Variants in AQP8 observed in about 807,000 individuals in gnomAD.
AQP8 encodes aquaporin-8.
A neutral mutation model predicts 26.1 loss-of-function variants in AQP8; 14 were observed. The observed-to-expected ratio is 0.54, with a 90% CI of 0.35 to 0.84. The LOEUF is 0.84. AQP8 is among the 40% of genes least tolerant of loss of function. The pLI, the probability that AQP8 is intolerant of heterozygous loss-of-function variation, is 0.01. For missense variants in AQP8, 301 were observed against 340.5 expected (o/e 0.88, Z 0.91); for synonymous variants, 131 against 150.7 (o/e 0.87, Z 0.96).
chr16:25,227,149 G>T lies in AQP8; in HGVS notation c.684G>T (p.Trp228Cys). The T allele has an allele frequency of 6.2e-7, 1 of 1,614,082 alleles. No individual in the cohort carries two copies. The highest frequency in any genetic ancestry group is 8.5e-7 in the Non-Finnish European group (1 of 1,180,032). The change falls in exon 5 of 6, where the codon TGG (tryptophan) becomes TGT (cysteine). Residue 228 changes from tryptophan to cysteine, a missense_variant. Transcript: ENST00000219660. ...AVVANHWNFH[W>C]IYWLGPLLAG... ...TGGCCAACCACTGGAACTTCCACTG[G>T]ATCTACTGGCTGGGCCCACTCCTGG...
intron 4 of AQP8, among the ~76,000 whole-genome samples, chr16:25,224,986 C>T (rs1300406165): frequency 2.0e-5 from 3 of 152,120 alleles, no homozygotes; most frequent in African/African-American, 7.2e-5. Flanking sequence ...TTTTTAGACT[C>T]CCAGCAGGCT....
chr16:25,226,467 G>T (rs113411926), intron 4 of AQP8, among the ~76,000 whole-genome samples: 2,358 of 152,288 alleles, frequency 0.015, 66 homozygotes, highest in African/African-American at 0.053. Flanking sequence ...ATGTTGGCCA[G>T]GCTGGTCTCT....
At chr16:25,223,343 C>G (rs532736750) in intron 3 of AQP8, among the ~76,000 whole-genome samples, 6 of 152,220 alleles carry the variant, frequency 3.9e-5, no homozygotes, top group African/African-American at 1.4e-4. Flanking sequence ...GCCCCTTCCA[C>G]GGTCCTGTGG....
Position 25,224,385 on chromosome 16 carries a change from C to G in AQP8, c.411C>G (p.Phe137Leu). ...LAKAVSPEERFWNASGAAFVT... is the reference protein window; with the variant it reads ...LAKAVSPEERLWNASGAAFVT... ...AGGCGGTGAGTCCTGAGGAGAGGTT[C>G]TGGAATGCATCTGGGGCGGCCTTTG... The change falls in exon 4 of 6, where the codon TTC becomes TTG. Residue 137 changes from phenylalanine (F) to leucine (L), a missense_variant. Coordinates refer to ENST00000219660, the MANE Select transcript of AQP8 (RefSeq NM_001169.3). 6.2e-7 allele frequency: 1 copy of G among 1,613,830 alleles called. No individual in the cohort carries two copies. The highest frequency in any genetic ancestry group is 8.5e-7 in the Non-Finnish European group (1 of 1,179,972).
At chr16:25,225,472 CTTTTT>C (rs34470670) in intron 4 of AQP8, among the ~76,000 whole-genome samples, 1 of 141,834 alleles carries the variant, frequency 7.1e-6, no homozygotes, top group South Asian at 2.2e-4. Flanking sequence ...CTTACAAGCC[CTTTTT>C]TTTTTTTTTA....
rs1239006056 is a variant in AQP8, at chr16:25,226,219, CACAA to C, written c.603-844_603-841del. ...CCCCTCAAGCATTTATTTTTTGTGT[CACAA>C]ACAATCCACTTATACTCTTCGTTAT... On this transcript the variant is annotated intron_variant, in intron 4 of 5. Transcript: ENST00000219660. 3.3e-5 allele frequency among the ~76,000 whole-genome samples: 5 copies of C among 152,064 alleles called. No homozygotes were observed. The East Asian group carries it at 7.7e-4, about 23-fold the overall frequency.
At chr16:25,225,953 T>C (rs1215344077) in intron 4 of AQP8, among the ~76,000 whole-genome samples, 4 of 152,238 alleles carry the variant, frequency 2.6e-5, no homozygotes, top group Non-Finnish European at 5.9e-5. Flanking sequence ...ATTTGCATTT[T>C]CTCATTCACT....
In AQP8 at chr16:25,224,499, T is replaced by A. The variant is rs1178394554; in HGVS notation, c.525T>A (p.Gly175=). 6.2e-7 allele frequency: 1 copy of A among 1,613,920 alleles called. No homozygotes were observed. Among genetic ancestry groups the A allele is most frequent in the Admixed American group, 1.7e-5 (1 of 59,990 alleles). Residue 175 remains glycine (G), a synonymous_variant, in exon 4 of 6, where the codon GGT becomes GGA. Coordinates refer to ENST00000219660, the MANE Select transcript of AQP8 (RefSeq NM_001169.3). ...TTLLALAVCM[G]AINEKTKGPL... is the part of the protein sequence containing the mutation. ...TGCTGGCCCTGGCTGTATGCATGGG[T>A]GCCATCAATGAGAAGACAAAGGGCC...
chr16:25,227,658 T>A (rs1198868074), intron 5 of AQP8, among the ~76,000 whole-genome samples: 1 of 152,070 alleles, frequency 6.6e-6, no homozygotes, highest in East Asian at 1.9e-4. Context: ...CAGCTAATTT[T>A]TATATTTTTA....
Position 25,228,517 on chromosome 16 carries a change from G to T in AQP8, c.*25G>T. ...AAGCAGAGCTCGTGGGATTCCTGCT[G>T]CTCCAGGTGTCCTCAGCTCACCTGT... On this transcript the variant is annotated 3_prime_UTR_variant, in exon 6 of 6. Coordinates refer to ENST00000219660, the MANE Select transcript of AQP8 (RefSeq NM_001169.3). The T allele has an allele frequency of 6.2e-7, 1 of 1,613,370 alleles. No individual in the cohort carries two copies. Among genetic ancestry groups the T allele is most frequent in the Non-Finnish European group, 8.5e-7 (1 of 1,179,352 alleles).
chr16:25,224,217 T>G, intron 3 of AQP8, 145 bp from the exon 4 acceptor site: 2 of 697,906 alleles, frequency 2.9e-6, no homozygotes, highest in Non-Finnish European at 4.7e-6. Flanking sequence ...AGAGCTGGGA[T>G]GTGGATGCAG....
At position 25,218,879 on chromosome 16, in the gene AQP8, C is replaced by T. The variant is rs139236020; in HGVS notation, c.260+1434C>T. On this transcript the variant is annotated intron_variant, in intron 2 of 5. Coordinates refer to ENST00000219660, the MANE Select transcript of AQP8 (RefSeq NM_001169.3). The stretch of plus-strand genomic sequence containing the variant: ...GGGCAACAGAGTGAGACTCCATCTC[C>T]AAAAAACAAACAAACAAACAAACAA... Among the ~76,000 whole-genome samples the T allele has an allele frequency of 3.1e-3, 467 of 150,876 alleles. 20 individuals carry two copies. Among genetic ancestry groups the T allele is most frequent in the African/African-American group, 0.01 (425 of 40,876 alleles).
At chr16:25,222,902 C>CA (rs1962582867) in intron 3 of AQP8, among the ~76,000 whole-genome samples, 3 of 152,360 alleles carry the variant, frequency 2.0e-5, no homozygotes, top group South Asian at 4.1e-4. Flanking sequence ...TGGCCAGACT[C>CA]GAGCTCAAGC....
intron 3 of AQP8, among the ~76,000 whole-genome samples, chr16:25,224,125 C>T (rs1962599651): frequency 6.6e-6 from 1 of 152,220 alleles, no homozygotes. Flanking sequence ...CCACGCCTAG[C>T]CCCATTACTA....
intron 3 of AQP8, 107 bp from the exon 4 acceptor site, chr16:25,224,255 C>T: frequency 9.7e-7 from 1 of 1,029,204 alleles, no homozygotes. Context: ...TGGACATAAC[C>T]CTTCACTGGC....
At position 25,228,834 on chromosome 16, in the gene AQP8, C is replaced by A; in HGVS notation, c.*342C>A. On this transcript the variant is annotated 3_prime_UTR_variant, in exon 6 of 6. Coordinates refer to ENST00000219660, the MANE Select transcript of AQP8 (RefSeq NM_001169.3). Reference sequence around the variant, plus strand: ...GCACATCAGCTCATTTCCCGCACCCCATTTCTTGCTTGATTGCTTTGTTGG... The same window carrying A: ...GCACATCAGCTCATTTCCCGCACCCAATTTCTTGCTTGATTGCTTTGTTGG... The A allele has an allele frequency of 4.6e-6, 1 of 215,480 alleles. No individual in the cohort carries two copies. Among genetic ancestry groups the A allele is most frequent in the Non-Finnish European group, 9.2e-6 (1 of 108,494 alleles). The allele number at this position is 215,480 out of a possible 1,614,324, so 13.3% of individuals were successfully genotyped here.
At chr16:25,222,956 G>C (rs879314238) in intron 3 of AQP8, among the ~76,000 whole-genome samples, 2 of 152,200 alleles carry the variant, frequency 1.3e-5, no homozygotes, top group Non-Finnish European at 2.9e-5. Context: ...ACAGCTGCGG[G>C]GCAGCAGGGT....
intron 3 of AQP8, among the ~76,000 whole-genome samples, chr16:25,222,486 C>T (rs1163649800): frequency 1.3e-5 from 2 of 152,218 alleles, no homozygotes; most frequent in Admixed American, 1.3e-4. Context: ...GGATTACAGA[C>T]ATGAGCCACC....
In AQP8 at chr16:25,217,025, T is replaced by C. The variant is rs1597625948; in HGVS notation, c.-21T>C. 5 of 1,613,906 alleles carry C rather than the reference T, an allele frequency of 3.1e-6. No homozygotes were observed. The highest frequency in any genetic ancestry group is 1.6e-4 in the Middle Eastern group (1 of 6,062). On this transcript the variant is annotated 5_prime_UTR_variant, in exon 1 of 6. The change abolishes an upstream ATG in the 5' untranslated region. Transcript: ENST00000219660. Reference sequence around the variant, plus strand: ...CCCAGCAGCTCAGGCAAGAGTCCGATGTTTGTGCCATCTGATCCTGATGTC... The same window carrying C: ...CCCAGCAGCTCAGGCAAGAGTCCGACGTTTGTGCCATCTGATCCTGATGTC...
Sources: gnomAD v4.1 joint callset for allele counts (sites outside exome capture counted in the v4.1 genomes callset) on GRCh38, gnomAD v4.1.1 for gene constraint, MANE v1.5 for transcripts, NCBI Gene and HGNC (gene_info 2026-07-23, HGNC 2026-07-21) for gene names.